ACCSL: variants seen among roughly 807,000 people sequenced by gnomAD.
The protein encoded by ACCSL is probable inactive 1-aminocyclopropane-1-carboxylate synthase-like protein 2.
Under a neutral mutation model 61.7 loss-of-function variants are expected in ACCSL, and 55 were observed. That is an observed-to-expected ratio of 0.89 (90% CI 0.72 to 1.12). The LOEUF is 1.12. Among genes scored for constraint, ACCSL ranks in the 50% most tolerant of loss-of-function variants. ACCSL has a pLI of 0.00. For missense variants in ACCSL, 632 were observed against 698.0 expected, an observed-to-expected ratio of 0.91 and a Z score of 1.07; for synonymous variants, 258 against 264.3, an observed-to-expected ratio of 0.98 and a Z score of 0.23.
chr11:43,953,824 A>G, the ACCSL span, among the ~76,000 whole-genome samples: 7 of 152,112 alleles, frequency 4.6e-5, no homozygotes, highest in Admixed American at 1.3e-4. Flanking sequence ...AAAAATAACC[A>G]TACAAACCAT....
At chr11:43,962,208 CA>C in the ACCSL span, among the ~76,000 whole-genome samples, 4 of 152,120 alleles carry the variant, frequency 2.6e-5, no homozygotes, top group African/African-American at 9.7e-5. Context: ...ACCTAGTTGT[CA>C]GGCAGCAGGC....
the ACCSL span, among the ~76,000 whole-genome samples, chr11:44,002,092 A>C: frequency 4.0e-5 from 6 of 151,648 alleles, no homozygotes; most frequent in African/African-American, 1.5e-4. Flanking sequence ...TCATCTGTGG[A>C]CAAGGAGGGG....
chr11:44,003,642 CA>C, the ACCSL span, among the ~76,000 whole-genome samples: 1,390 of 141,230 alleles, frequency 9.8e-3, 23 homozygotes, highest in African/African-American at 0.029. Context: ...GACTTTGTCT[CA>C]AAAAAAAAAA....
At chr11:44,002,395 G>A in the ACCSL span, among the ~76,000 whole-genome samples, 1 of 152,310 alleles carries the variant, frequency 6.6e-6, no homozygotes, top group African/African-American at 2.4e-5. Flanking sequence ...AGAAGTTTCT[G>A]GAAGAAGCCC....
the ACCSL span, chr11:44,001,116 G>A: frequency 4.6e-5 from 7 of 152,050 alleles, no homozygotes; most frequent in Admixed American, 3.3e-4. Flanking sequence ...CCTAACTATG[G>A]GAGTCACAGA....
At chr11:43,985,639 G>A in the ACCSL span, among the ~76,000 whole-genome samples, 13 of 152,202 alleles carry the variant, frequency 8.5e-5, no homozygotes, top group African/African-American at 3.1e-4. Flanking sequence ...TGAGGGGCAC[G>A]GTCTGGTGAG....
the ACCSL span, among the ~76,000 whole-genome samples, chr11:44,032,958 C>T: frequency 0.81 from 122,927 of 152,178 alleles, 49,796 homozygotes; most frequent in Middle Eastern, 0.82. Flanking sequence ...GCCTCCCTGG[C>T]GACAGTGGGA....
the ACCSL span, among the ~76,000 whole-genome samples, chr11:43,953,520 C>T: frequency 2.6e-5 from 2 of 75,490 alleles, no homozygotes; most frequent in African/African-American, 9.7e-5. Context: ...GACTCTGACT[C>T]AAAAAAAAAA....
chr11:44,030,772 G>C, the ACCSL span, among the ~76,000 whole-genome samples: 205 of 152,250 alleles, frequency 1.3e-3, no homozygotes, highest in African/African-American at 4.5e-3. Flanking sequence ...GTGTCAATAG[G>C]ATGGAAACAA....
At chr11:43,924,789 G>C in the ACCSL span, among the ~76,000 whole-genome samples, 1 of 152,212 alleles carries the variant, frequency 6.6e-6, no homozygotes, top group Non-Finnish European at 1.5e-5. Flanking sequence ...GGGCCCCCTA[G>C]GGGTGAACCC....
At chr11:44,015,481 C>T in the ACCSL span, among the ~76,000 whole-genome samples, 1 of 151,874 alleles carries the variant, frequency 6.6e-6, no homozygotes, top group Non-Finnish European at 1.5e-5. Flanking sequence ...ATCGTGTAGG[C>T]ATCATATAGA....
chr11:43,926,669 C>T, the ACCSL span: 1 of 305,902 alleles, frequency 3.3e-6, no homozygotes, highest in Non-Finnish European at 6.5e-6. Context: ...GGTTTGTGTT[C>T]TTTGCAAGAA....
At chr11:44,014,898 A>C in the ACCSL span, among the ~76,000 whole-genome samples, 30 of 152,178 alleles carry the variant, frequency 2.0e-4, no homozygotes, top group Admixed American at 5.2e-4. Context: ...CAATCCCAAG[A>C]ATCACAGACA....
rs374639966 is a variant in ACCSL at position 44,056,298 on chromosome 11, C to T, written c.1299C>T (p.His433=). The T allele has an allele frequency of 1.2e-6, 2 of 1,614,002 alleles. No individual in the cohort carries two copies. The highest frequency in any genetic ancestry group is 1.7e-6 in the Non-Finnish European group (2 of 1,180,010). The change falls in exon 11 of 14, where the codon CAC becomes CAT. Residue 433 remains histidine, a synonymous_variant. Transcript: ENST00000378832. ...YLHSISGITQ[H]KLCQLLQNTE... is the part of the protein sequence containing the mutation. ...ACAGTATTTCTGGCATCACCCAGCA[C>T]AAGCTGTGTCAACTGCTCCAGAACA...
At chr11:43,977,794 C>G in the ACCSL span, among the ~76,000 whole-genome samples, 6 of 152,156 alleles carry the variant, frequency 3.9e-5, no homozygotes, top group African/African-American at 1.4e-4. Context: ...TCACACTGAC[C>G]TGGGTTTGAA....
the ACCSL span, among the ~76,000 whole-genome samples, chr11:44,030,617 T>G: frequency 6.6e-6 from 1 of 152,082 alleles, no homozygotes; most frequent in Non-Finnish European, 1.5e-5. Context: ...CCTTGCTAAT[T>G]TATCTGGTTT....
the ACCSL span, among the ~76,000 whole-genome samples, chr11:43,980,987 T>C: frequency 6.6e-6 from 1 of 152,160 alleles, no homozygotes; most frequent in Non-Finnish European, 1.5e-5. Flanking sequence ...TCATAGATGA[T>C]TGTTTTAAGT....
the ACCSL span, among the ~76,000 whole-genome samples, chr11:44,028,591 C>T: frequency 6.6e-6 from 1 of 152,170 alleles, no homozygotes; most frequent in South Asian, 2.1e-4. Context: ...CTAGTCATCC[C>T]TGCGTCACCT....
the ACCSL span, among the ~76,000 whole-genome samples, chr11:43,954,355 T>G: frequency 2.6e-5 from 4 of 152,094 alleles, no homozygotes; most frequent in South Asian, 8.3e-4. Flanking sequence ...AGCTTTCTCC[T>G]GCAGAGAGAG....
Sources: gnomAD v4.1 joint callset for allele counts (sites outside exome capture counted in the v4.1 genomes callset) on GRCh38, gnomAD v4.1.1 for gene constraint, MANE v1.5 for transcripts, NCBI Gene and HGNC (gene_info 2026-07-23, HGNC 2026-07-21) for gene names.